LEMD3: variants seen among roughly 807,000 people sequenced by gnomAD.
The protein encoded by LEMD3 is inner nuclear membrane protein Man1.
LEMD3 carries 33 observed loss-of-function variants against 95.2 expected under a neutral mutation model. That is an observed-to-expected ratio of 0.35 (90% CI 0.26 to 0.46). The LOEUF is 0.46. LEMD3 is among the 20% of genes least tolerant of loss of function. LEMD3 has a pLI of 1.00. For synonymous variants in LEMD3, 525 were observed against 474.6 expected, an observed-to-expected ratio of 1.11 and a Z score of -1.38; for missense variants, 1,210 against 1,192.8, an observed-to-expected ratio of 1.01 and a Z score of -0.21.
intron 4 of LEMD3, among the ~76,000 whole-genome samples, chr12:65,232,754 G>A (rs1208758926): frequency 6.6e-6 from 1 of 152,106 alleles, no homozygotes; most frequent in Non-Finnish European, 1.5e-5. Context: ...TACATGATTG[G>A]TTTTTAAGTT....
intron 1 of LEMD3, among the ~76,000 whole-genome samples, chr12:65,195,532 A>G (rs1869403289): frequency 6.6e-6 from 1 of 151,992 alleles, no homozygotes; most frequent in African/African-American, 2.4e-5. Context: ...TCCTCTTCTG[A>G]TGAGTCATCT....
At chr12:65,213,433 C>T (rs1054251414) in intron 2 of LEMD3, among the ~76,000 whole-genome samples, 1 of 152,064 alleles carries the variant, frequency 6.6e-6, no homozygotes, top group Non-Finnish European at 1.5e-5. Flanking sequence ...TGCCACATTG[C>T]CCAGGCTGGT....
chr12:65,240,382 A>G, intron 8 of LEMD3, 144 bp downstream of exon 8: 1 of 658,982 alleles, frequency 1.5e-6, no homozygotes, highest in Non-Finnish European at 2.7e-6. Flanking sequence ...TTGTTTTTGT[A>G]CTTTATACTC....
intron 1 of LEMD3, among the ~76,000 whole-genome samples, chr12:65,173,387 A>C (rs1038012638): frequency 2.0e-5 from 3 of 152,188 alleles, no homozygotes; most frequent in Non-Finnish European, 2.9e-5. Flanking sequence ...TTCACTGATA[A>C]GGAAGGAAGG....
chr12:65,240,105 T>G (rs1413616182), intron 7 of LEMD3, 31 bp from the exon 8 acceptor site: 1 of 1,466,184 alleles, frequency 6.8e-7, no homozygotes, highest in Admixed American at 2.0e-5. Flanking sequence ...GTCAAGTGAT[T>G]GATTCATTTG....
At chr12:65,178,217 A>G (rs1223811140) in intron 1 of LEMD3, among the ~76,000 whole-genome samples, 1 of 133,840 alleles carries the variant, frequency 7.5e-6, no homozygotes, top group Non-Finnish European at 1.5e-5. Context: ...GCTTTGTAAG[A>G]AAAAAAAAAA....
chr12:65,184,053 A>G (rs777432676), intron 1 of LEMD3, among the ~76,000 whole-genome samples: 1 of 152,142 alleles, frequency 6.6e-6, no homozygotes, highest in Non-Finnish European at 1.5e-5. Flanking sequence ...GAAGTTTTCT[A>G]AGGGTTTCAG....
chr12:65,172,370 T>G (rs950573524), intron 1 of LEMD3, among the ~76,000 whole-genome samples: 7 of 152,226 alleles, frequency 4.6e-5, no homozygotes, highest in African/African-American at 1.7e-4. Flanking sequence ...ATTGGCTTAT[T>G]AGTTTTATTT....
chr12:65,232,422 C>T (rs1390171443), intron 4 of LEMD3, among the ~76,000 whole-genome samples: 1 of 152,118 alleles, frequency 6.6e-6, no homozygotes, highest in Non-Finnish European at 1.5e-5. Flanking sequence ...ACTTCTAGTA[C>T]ATTTTAAGCA....
chr12:65,178,185 T>A (rs183938435), intron 1 of LEMD3, among the ~76,000 whole-genome samples: 88 of 151,926 alleles, frequency 5.8e-4, no homozygotes, highest in African/African-American at 2.1e-3. Flanking sequence ...CCATGTTATG[T>A]TTGAAGTTTT....
chr12:65,184,356 T>G (rs563093835), intron 1 of LEMD3, among the ~76,000 whole-genome samples: 3 of 152,308 alleles, frequency 2.0e-5, no homozygotes, highest in East Asian at 3.9e-4. Flanking sequence ...TACACTGGTT[T>G]TAAGTTCCTG....
intron 2 of LEMD3, among the ~76,000 whole-genome samples, chr12:65,212,303 C>G (rs1280196368): frequency 6.6e-6 from 1 of 152,128 alleles, no homozygotes; most frequent in African/African-American, 2.4e-5. Flanking sequence ...TGGGTGGGGA[C>G]ACAGAGCCAA....
intron 2 of LEMD3, 92 bp downstream of exon 2, chr12:65,211,055 AAAG>A: frequency 1.0e-6 from 1 of 976,642 alleles, no homozygotes; most frequent in South Asian, 1.4e-5. Context: ...AAGTAATTTT[AAAG>A]TTATTTTAGT....
At chr12:65,202,298 G>A (rs1454257996) in intron 1 of LEMD3, among the ~76,000 whole-genome samples, 7 of 151,990 alleles carry the variant, frequency 4.6e-5, no homozygotes, top group Non-Finnish European at 7.4e-5. Flanking sequence ...GATTACAGGC[G>A]TGAACCACTG....
chr12:65,222,561 T>A (rs1870323386), intron 4 of LEMD3, among the ~76,000 whole-genome samples: 1 of 152,166 alleles, frequency 6.6e-6, no homozygotes, highest in Non-Finnish European at 1.5e-5. Context: ...GATTTTTTTC[T>A]TAGTCTAGTT....
intron 4 of LEMD3, among the ~76,000 whole-genome samples, chr12:65,221,699 A>G (rs1211708608): frequency 2.0e-5 from 3 of 148,678 alleles, no homozygotes; most frequent in African/African-American, 7.5e-5. Flanking sequence ...AAAAATAGCC[A>G]CCCTGGCCTT....
intron 1 of LEMD3, among the ~76,000 whole-genome samples, chr12:65,210,071 C>G (rs1330881622): frequency 6.6e-6 from 1 of 151,578 alleles, no homozygotes; most frequent in African/African-American, 2.4e-5. Context: ...GAATAAAAAC[C>G]CTGAGAGGTG....
In LEMD3 at chr12:65,237,348, C is replaced by T. The variant is rs59848160; in HGVS notation, c.1696-1154C>T. Among the ~76,000 whole-genome samples, 212 of 152,196 alleles carry T rather than the reference C, an allele frequency of 1.4e-3. 2 individuals carry two copies. The highest frequency in any genetic ancestry group is 4.9e-3 in the African/African-American group (203 of 41,522). ...TTAGTTGAAGTATGTCATGAAAATC[C>T]AGCCTCACATTGATATGTAGTCAAA... is the stretch of plus-strand genomic sequence containing the variant. On this transcript the variant is annotated intron_variant, in intron 4 of 12. Transcript: ENST00000308330.
chr12:65,204,147 C>G (rs757674777), intron 1 of LEMD3, among the ~76,000 whole-genome samples: 2 of 151,144 alleles, frequency 1.3e-5, no homozygotes, highest in Non-Finnish European at 2.9e-5. Context: ...TCATCAATAG[C>G]TTCTAAGAAA....
Sources: allele counts gnomAD v4.1 joint callset (sites outside exome capture counted in the v4.1 genomes callset), GRCh38; gene constraint gnomAD v4.1.1; transcripts MANE v1.5; gene names NCBI Gene and HGNC (gene_info 2026-07-23, HGNC 2026-07-21).